IPO7: variants seen among roughly 807,000 people sequenced by gnomAD.
The protein encoded by IPO7 is importin-7.
A neutral mutation model predicts 136.4 loss-of-function variants in IPO7; 13 were observed. The ratio of observed to expected loss-of-function variants is 0.10; its 90% confidence interval spans 0.06 to 0.15. The LOEUF (loss-of-function observed/expected upper bound fraction) is 0.15, where lower values mean the gene tolerates loss of function less well. Among genes scored for constraint, IPO7 ranks in the 10% least tolerant of loss-of-function variants. The pLI, the probability that IPO7 is intolerant of heterozygous loss-of-function variation, is 1.00. For synonymous variants in IPO7, 403 were observed against 404.4 expected, an observed-to-expected ratio of 1.00 and a Z score of 0.04; for missense variants, 857 against 1,240.6, an observed-to-expected ratio of 0.69 and a Z score of 4.65.
intron 6 of IPO7, among the ~76,000 whole-genome samples, chr11:9,418,496 C>T (rs1037662643): frequency 5.9e-5 from 9 of 152,058 alleles, no homozygotes; most frequent in East Asian, 3.8e-4. Flanking sequence ...TATTGTTAAT[C>T]GCATAAGTGA....
At chr11:9,405,315 T>C (rs530484000) in intron 2 of IPO7, among the ~76,000 whole-genome samples, 10 of 151,900 alleles carry the variant, frequency 6.6e-5, no homozygotes, top group Non-Finnish European at 1.3e-4. Flanking sequence ...GCTGGGACTA[T>C]AGGCGCCCGC....
chr11:9,440,360 C>T, intron 22 of IPO7, 95 bp from the exon 23 acceptor site: 1 of 967,070 alleles, frequency 1.0e-6, no homozygotes, highest in Non-Finnish European at 1.6e-6. Context: ...TCACTTGTGA[C>T]TTGTAATTTA....
chr11:9,419,695 T>C (rs903047986), intron 6 of IPO7, among the ~76,000 whole-genome samples: 1 of 150,920 alleles, frequency 6.6e-6, no homozygotes, highest in Non-Finnish European at 1.5e-5. Flanking sequence ...TTAATGAATC[T>C]TCAGGTTCTT....
At chr11:9,440,043 C>T (rs1855439867) in intron 22 of IPO7, among the ~76,000 whole-genome samples, 1 of 152,114 alleles carries the variant, frequency 6.6e-6, no homozygotes, top group Non-Finnish European at 1.5e-5. Context: ...ATCTATAAGA[C>T]TGTACACTAT....
chr11:9,417,373 GTT>G (rs1188928058), intron 6 of IPO7, among the ~76,000 whole-genome samples: 4 of 151,884 alleles, frequency 2.6e-5, no homozygotes, highest in Admixed American at 6.6e-5. Context: ...TATATTATTG[GTT>G]TAATTTCTTC....
chr11:9,414,384 A>G lies in IPO7; in HGVS notation c.609A>G (p.Ile203Met). ...SDQSVLIQKQ[I>M]FKIFYALVQY... ...AGTCTGTCCTCATCCAGAAACAGAT[A>G]TTCAAGATCTTCTATGCTCTTGTTC... is the stretch of plus-strand genomic sequence containing the variant. Residue 203 changes from isoleucine (I) to methionine (M), a missense_variant, in exon 5 of 25, where the codon ATA becomes ATG. Ile to Met is a conservative substitution (Grantham distance 10). Coordinates refer to ENST00000379719, the MANE Select transcript of IPO7 (RefSeq NM_006391.3). 3 of 1,609,760 alleles carry G rather than the reference A, an allele frequency of 1.9e-6. No homozygotes were observed. Among genetic ancestry groups the G allele is most frequent in the Non-Finnish European group, 2.5e-6 (3 of 1,178,022 alleles).
intron 1 of IPO7, among the ~76,000 whole-genome samples, chr11:9,388,736 G>A (rs997850461): frequency 6.6e-6 from 1 of 152,034 alleles, no homozygotes; most frequent in African/African-American, 2.4e-5. Flanking sequence ...ATGTTACCCA[G>A]GCTGGAGTGC....
intron 4 of IPO7, among the ~76,000 whole-genome samples, chr11:9,412,173 A>G (rs901375298): frequency 2.6e-5 from 4 of 152,174 alleles, no homozygotes; most frequent in South Asian, 2.1e-4. Flanking sequence ...TTGTCAGTAG[A>G]TAGTGTTAAT....
At chr11:9,417,721 T>C (rs549265909) in intron 6 of IPO7, among the ~76,000 whole-genome samples, 7 of 151,602 alleles carry the variant, frequency 4.6e-5, no homozygotes, top group Non-Finnish European at 1.0e-4. Context: ...TTTTCTTTTT[T>C]TTTTTTTTAA....
chr11:9,403,077 C>G, intron 1 of IPO7: 2 of 564,336 alleles, frequency 3.5e-6, no homozygotes, highest in South Asian at 4.2e-5. Context: ...CAGTGCTATA[C>G]AGGCTAATGA....
intron 1 of IPO7, among the ~76,000 whole-genome samples, chr11:9,399,220 A>G (rs1006035888): frequency 3.3e-5 from 5 of 151,396 alleles, no homozygotes; most frequent in Non-Finnish European, 5.9e-5. Flanking sequence ...CTGGAGTACA[A>G]TGGCACAATC....
intron 5 of IPO7, 174 bp downstream of exon 5, chr11:9,414,585 T>TAGG (rs1855013263): frequency 7.3e-5 from 22 of 301,216 alleles, no homozygotes; most frequent in Non-Finnish European, 1.2e-4. Flanking sequence ...ACAAGCATAC[T>TAGG]TCCTCCCCAA....
At chr11:9,439,937 T>G (rs556374267) in intron 22 of IPO7, among the ~76,000 whole-genome samples, 2 of 152,326 alleles carry the variant, frequency 1.3e-5, no homozygotes, top group South Asian at 4.1e-4. Flanking sequence ...TTGACTAAAT[T>G]TATTGGAGAC....
intron 2 of IPO7, among the ~76,000 whole-genome samples, chr11:9,404,437 C>G (rs1001364722): frequency 7.9e-5 from 12 of 151,390 alleles, no homozygotes; most frequent in Admixed American, 1.3e-4. Flanking sequence ...TGCACACCAG[C>G]CTGAGCAACA....
intron 2 of IPO7, among the ~76,000 whole-genome samples, chr11:9,406,211 A>G (rs370311139): frequency 5.1e-5 from 7 of 137,800 alleles, no homozygotes; most frequent in African/African-American, 1.9e-4. Flanking sequence ...GTTAGCCACT[A>G]TGGCTGGTCT....
rs780713401 is a variant in IPO7 at position 9,429,802 on chromosome 11, A to G, written c.1720A>G (p.Thr574Ala). 8.1e-6 allele frequency: 13 copies of G among 1,598,898 alleles called. No homozygotes were observed. In the Admixed American group the frequency reaches 2.3e-4, roughly 29 times the overall value. Residue 574 changes from threonine to alanine, a missense_variant, in exon 15 of 25, where the codon ACT (threonine) becomes GCT (alanine). Physicochemically the swap from Thr to Ala is moderately conservative, Grantham distance 58. Around this residue, in one of 11 missense-constraint regions of IPO7, gnomAD observed 58 missense variants for 122.1 expected, o/e 0.47. Transcript: ENST00000379719. ...KMICEYSEEV[T>A]PIAVEMTQHL... is the part of the protein sequence containing the mutation. ...GATCTGTGAATATAGTGAAGAAGTT[A>G]CTCCTATTGCAGTAGAAATGACACA...
intron 1 of IPO7, among the ~76,000 whole-genome samples, chr11:9,398,657 C>T (rs889945674): frequency 6.6e-6 from 1 of 152,130 alleles, no homozygotes; most frequent in Non-Finnish European, 1.5e-5. Flanking sequence ...TGTTTCAGTA[C>T]ATGTATACAA....
chr11:9,414,478 C>G (rs1855012027), intron 5 of IPO7, 67 bp downstream of exon 5: 2 of 1,000,248 alleles, frequency 2.0e-6, no homozygotes, highest in South Asian at 1.8e-5. Context: ...TAAAAATTAA[C>G]AAAGAATTTC....
At chr11:9,394,847 G>T (rs1408736037) in intron 1 of IPO7, among the ~76,000 whole-genome samples, 6 of 152,210 alleles carry the variant, frequency 3.9e-5, no homozygotes, top group Admixed American at 1.3e-4. Flanking sequence ...TGAATTAAGT[G>T]TGACTATTGA....
Sources: allele counts gnomAD v4.1 joint callset (sites outside exome capture counted in the v4.1 genomes callset), GRCh38; gene constraint gnomAD v4.1.1; regional missense constraint gnomAD v4.1.1; transcripts MANE v1.5; gene names NCBI Gene and HGNC (gene_info 2026-07-23, HGNC 2026-07-21).